Variants in C3orf20 observed in about 807,000 individuals in gnomAD.
The protein encoded by C3orf20 is family with sequence similarity 149 member C.
C3orf20 carries 76 observed loss-of-function variants against 88.3 expected under a neutral mutation model. The observed-to-expected ratio is 0.86, with a 90% CI of 0.72 to 1.04. C3orf20 has a LOEUF of 1.04. Among genes scored for constraint, C3orf20 ranks in the 50% least tolerant of loss-of-function variants. The pLI is 0.00. For missense variants in C3orf20, 1,056 were observed against 1,123.3 expected (o/e 0.94, Z 0.86); for synonymous variants, 436 against 437.4 (o/e 1.00, Z 0.04).
At position 14,728,475 on chromosome 3, in the gene C3orf20, A is replaced by C. The variant is rs772630616; in HGVS notation, c.1727A>C (p.Glu576Ala). 6.2e-7 allele frequency: 1 copy of C among 1,614,146 alleles called. No individual in the cohort carries two copies. Among genetic ancestry groups the C allele is most frequent in the Non-Finnish European group, 8.5e-7 (1 of 1,180,018 alleles). Residue 576 changes from glutamate to alanine, a missense_variant, in exon 12 of 17, where the codon GAG (glutamate) becomes GCG (alanine). Physicochemically the swap from Glu to Ala is moderately radical, Grantham distance 107 (BLOSUM62 -1). Transcript: ENST00000253697. The stretch of plus-strand genomic sequence containing the variant: ...ATTGAATATCCCACCAAAAAGGAGG[A>C]GGAAGAATTTGTTCGGTTCAAGATG... ...FTIEYPTKKEEEEFVRFKMRS... is the reference protein window; with the variant it reads ...FTIEYPTKKEAEEFVRFKMRS...
In C3orf20 at chr3:14,683,070, C is replaced by G. The variant is rs1365918467; in HGVS notation, c.357C>G (p.Leu119=). ...ATTGAAKRST[L]SPTMARQVRT... is the part of the protein sequence containing the mutation. Reference sequence around the variant, plus strand: ...CTGGGGCAGCCAAGCGCTCCACCCTCTCTCCCACCATGGCCCGTCAGGTGC... The same window carrying G: ...CTGGGGCAGCCAAGCGCTCCACCCTGTCTCCCACCATGGCCCGTCAGGTGC... Residue 119 remains leucine, a synonymous_variant, in exon 3 of 17, where the codon CTC becomes CTG. Transcript: ENST00000253697. 1.9e-6 allele frequency: 3 copies of G among 1,611,670 alleles called. No individual in the cohort carries two copies. Among genetic ancestry groups the G allele is most frequent in the African/African-American group, 1.3e-5 (1 of 74,904 alleles).
intron 1 of C3orf20, among the ~76,000 whole-genome samples, chr3:14,678,237 ACACACAC>A (rs772320947): frequency 2.3e-4 from 35 of 152,204 alleles, no homozygotes; most frequent in Admixed American, 3.9e-4. Flanking sequence ...CTGACCCTTC[ACACACAC>A]CACCTCACTA....
intron 12 of C3orf20, among the ~76,000 whole-genome samples, chr3:14,753,936 CA>C (rs1442899474): frequency 2.0e-5 from 3 of 152,230 alleles, no homozygotes; most frequent in Non-Finnish European, 4.4e-5. Flanking sequence ...GACATTCATT[CA>C]ATGCTTTTAG....
rs762264415 is a variant in C3orf20 at position 14,714,170 on chromosome 3, T to G, written c.1313+11T>G. 10 of 1,613,028 alleles carry G rather than the reference T, an allele frequency of 6.2e-6. No individual in the cohort carries two copies. In the African/African-American group the frequency reaches 8.0e-5, roughly 13 times the overall value. On this transcript the variant is annotated intron_variant, in intron 8 of 16. Coordinates refer to ENST00000253697, the MANE Select transcript of C3orf20 (RefSeq NM_032137.5). Reference sequence around the variant, plus strand: ...CAACCTAAAAACCAGGTAAGTGGACTGGGAGAGTACTAGTCACACGGAAGT... The same window carrying G: ...CAACCTAAAAACCAGGTAAGTGGACGGGGAGAGTACTAGTCACACGGAAGT...
intron 12 of C3orf20, among the ~76,000 whole-genome samples, chr3:14,739,974 A>G (rs980579837): frequency 1.3e-5 from 2 of 152,238 alleles, no homozygotes; most frequent in African/African-American, 4.8e-5. Flanking sequence ...TTGCTTTTCT[A>G]TGCAGACCAC....
At chr3:14,675,785 G>A (rs572233821) in intron 1 of C3orf20, among the ~76,000 whole-genome samples, 1 of 152,160 alleles carries the variant, frequency 6.6e-6, no homozygotes, top group Admixed American at 6.5e-5. Flanking sequence ...CCACTCCCCG[G>A]GTTCAAGTGA....
intron 12 of C3orf20, among the ~76,000 whole-genome samples, chr3:14,731,340 G>A (rs1207043032): frequency 1.3e-5 from 2 of 152,108 alleles, no homozygotes; most frequent in Admixed American, 6.5e-5. Flanking sequence ...TTATTACTGA[G>A]TAGTGTTCTG....
chr3:14,761,181 C>T (rs939263997), intron 14 of C3orf20, among the ~76,000 whole-genome samples: 5 of 151,740 alleles, frequency 3.3e-5, no homozygotes, highest in African/African-American at 9.7e-5. Context: ...GAGTGCTGCC[C>T]TCCTCAGGTT....
At chr3:14,715,248 A>C (rs1379775867) in intron 8 of C3orf20, 41 bp from the exon 9 acceptor site, 3 of 1,597,216 alleles carry the variant, frequency 1.9e-6, no homozygotes, top group Non-Finnish European at 1.7e-6. Flanking sequence ...AGCTTCCTTC[A>C]GGGGCCCGGT....
chr3:14,770,291 G>A (rs765894303), intron 15 of C3orf20, among the ~76,000 whole-genome samples: 16 of 152,282 alleles, frequency 1.1e-4, no homozygotes, highest in Non-Finnish European at 2.4e-4. Flanking sequence ...GCAAAGAGGC[G>A]TTAATTTGCC....
chr3:14,761,201 GAT>G (rs2035550886), intron 14 of C3orf20, among the ~76,000 whole-genome samples: 1 of 150,642 alleles, frequency 6.6e-6, no homozygotes, highest in Non-Finnish European at 1.5e-5. Context: ...TGCCCAGGGA[GAT>G]ATGGCTGAGC....
intron 7 of C3orf20, among the ~76,000 whole-genome samples, chr3:14,709,481 A>G (rs1559411993): frequency 6.6e-6 from 1 of 152,148 alleles, no homozygotes; most frequent in Non-Finnish European, 1.5e-5. Flanking sequence ...TTCACCATTT[A>G]TTATGATGTT....
intron 12 of C3orf20, among the ~76,000 whole-genome samples, chr3:14,747,690 T>A (rs1156612121): frequency 6.6e-6 from 1 of 152,186 alleles, no homozygotes; most frequent in Non-Finnish European, 1.5e-5. Context: ...CAATATTGTT[T>A]GCAAAATAAG....
Position 14,761,739 on chromosome 3 carries a change from G to A in C3orf20, c.2495+124G>A, listed in dbSNP as rs780457077. On this transcript the variant is annotated intron_variant, in intron 15 of 16. Coordinates refer to ENST00000253697, the MANE Select transcript of C3orf20 (RefSeq NM_032137.5). ...GGGGCTGAAGGGATGGAGTGGGGAG[G>A]GGGGCTGGAGGTGGGAAGCCTCCAC... The A allele has an allele frequency of 4.0e-4, 371 of 928,440 alleles. 10 individuals are homozygous for A. The highest frequency in any genetic ancestry group is 5.6e-4 in the Non-Finnish European group (351 of 621,376). The allele number at this position is 928,440 out of a possible 1,614,324, so 57.5% of individuals were successfully genotyped here. A position where few individuals can be genotyped will look rare whatever the true frequency, so the allele number is the denominator to read the frequency against.
intron 5 of C3orf20, among the ~76,000 whole-genome samples, chr3:14,696,454 C>T (rs953089643): frequency 1.2e-4 from 18 of 151,278 alleles, no homozygotes; most frequent in African/African-American, 3.4e-4. Flanking sequence ...TGCGGTGGCA[C>T]GTCTCGGCTG....
Position 14,772,968 on chromosome 3 carries a change from TG to T in C3orf20, c.*94del. On this transcript the variant is annotated 3_prime_UTR_variant, in exon 17 of 17. Coordinates refer to ENST00000253697, the MANE Select transcript of C3orf20 (RefSeq NM_032137.5). This position sits in a 1 kb window ranked among gnomAD's most constrained non-coding sequence, Gnocchi z 4.2. ...GCCCTGCCTCCCCGGTCTCCCACCC[TG>T]TCCTCCAAGCTTCTATAATAAACCA... 1.1e-6 allele frequency: 1 copy of T among 921,024 alleles called. No individual in the cohort carries two copies. The highest frequency in any genetic ancestry group is 1.8e-6 in the Non-Finnish European group (1 of 564,788). 57.1% of individuals were successfully genotyped at this position (921,024 alleles called of 1,614,324 possible). A position where few individuals can be genotyped will look rare whatever the true frequency, so the allele number is the denominator to read the frequency against.
At chr3:14,714,788 G>T (rs2033881712) in intron 8 of C3orf20, among the ~76,000 whole-genome samples, 1 of 151,940 alleles carries the variant, frequency 6.6e-6, no homozygotes, top group Non-Finnish European at 1.5e-5. Flanking sequence ...AAATTTTTTT[G>T]TAGAGACAGG....
chr3:14,721,041 A>G (rs769406145), intron 9 of C3orf20, among the ~76,000 whole-genome samples: 6 of 151,998 alleles, frequency 3.9e-5, no homozygotes, highest in Non-Finnish European at 7.4e-5. Context: ...AGGAAATCCC[A>G]CTCTTTTGGA....
intron 5 of C3orf20, among the ~76,000 whole-genome samples, chr3:14,695,529 A>C (rs1036160047): frequency 2.6e-5 from 4 of 152,182 alleles, no homozygotes; most frequent in African/African-American, 9.7e-5. Context: ...GTATAGATTA[A>C]GTCTGATGTT....
Sources: gnomAD v4.1 joint callset for allele counts (sites outside exome capture counted in the v4.1 genomes callset) on GRCh38, gnomAD v4.1.1 for gene constraint, Gnocchi (gnomAD v3.1) non-coding constraint, MANE v1.5 for transcripts, NCBI Gene and HGNC (gene_info 2026-07-23, HGNC 2026-07-21) for gene names.